The following FOXP1 variants were observed in gnomAD, a reference collection of about 807,000 sequenced individuals.
FOXP1 encodes forkhead box protein P1.
FOXP1 carries 15 observed loss-of-function variants against 98.2 expected under a neutral mutation model. The ratio of observed to expected loss-of-function variants is 0.15; its 90% CI spans 0.10 to 0.24. FOXP1 has a LOEUF of 0.24. FOXP1 is among the 10% of genes least tolerant of loss of function. The probability of loss-of-function intolerance (pLI) is 1.00; values close to 1 mark genes in which losing one functional copy is unlikely to be tolerated. For missense variants in FOXP1, 633 were observed against 848.5 expected (o/e 0.75, Z 3.15); for synonymous variants, 371 against 314.5 (o/e 1.18, Z -1.90).
chr3:71,373,711 C>A (rs781586604), intron 3 of FOXP1, among the ~76,000 whole-genome samples: 1 of 152,150 alleles, frequency 6.6e-6, no homozygotes, highest in Non-Finnish European at 1.5e-5. Context: ...TTAATGAACT[C>A]GATCATCTCA....
At chr3:71,301,896 C>G (rs1576859772) in intron 4 of FOXP1, among the ~76,000 whole-genome samples, 1 of 152,092 alleles carries the variant, frequency 6.6e-6, no homozygotes, top group South Asian at 2.1e-4. Flanking sequence ...TCAGATTTAA[C>G]CAGTATCATT....
intron 3 of FOXP1, among the ~76,000 whole-genome samples, chr3:71,443,749 A>AT (rs35789189): frequency 2.6e-5 from 4 of 151,938 alleles, no homozygotes; most frequent in African/African-American, 7.3e-5. Flanking sequence ...TCCTTTTGTC[A>AT]TTTTTTTCTC....
chr3:71,381,306 G>A (rs1052547034), intron 3 of FOXP1, among the ~76,000 whole-genome samples: 1 of 151,730 alleles, frequency 6.6e-6, no homozygotes, highest in Non-Finnish European at 1.5e-5. Context: ...GCCTGCCACC[G>A]CGCCCGGCTA....
At chr3:70,986,707 C>G (rs1226326163) in intron 14 of FOXP1, among the ~76,000 whole-genome samples, 1 of 151,870 alleles carries the variant, frequency 6.6e-6, no homozygotes, top group South Asian at 2.1e-4. Flanking sequence ...TTTTTCCTTT[C>G]TTTTTGGTAG....
chr3:71,281,384 A>G (rs1325305562), intron 5 of FOXP1, among the ~76,000 whole-genome samples: 1 of 152,158 alleles, frequency 6.6e-6, no homozygotes, highest in Non-Finnish European at 1.5e-5. Context: ...TGCCAACTGT[A>G]CCCACAAACA....
At chr3:71,507,328 A>G (rs759922147) in intron 2 of FOXP1, among the ~76,000 whole-genome samples, 2 of 152,154 alleles carry the variant, frequency 1.3e-5, no homozygotes, top group Non-Finnish European at 2.9e-5. Context: ...ACAGGAATGC[A>G]TGCTTTTAAC....
intron 6 of FOXP1, among the ~76,000 whole-genome samples, chr3:71,193,434 C>G (rs2063117743): frequency 8.2e-6 from 1 of 122,394 alleles, no homozygotes; most frequent in African/African-American, 3.9e-5. Context: ...AGGCGTGAGC[C>G]ACTGCGCCCA....
intron 5 of FOXP1, among the ~76,000 whole-genome samples, chr3:71,229,194 T>G (rs2066086963): frequency 6.6e-6 from 1 of 152,178 alleles, no homozygotes; most frequent in Non-Finnish European, 1.5e-5. Flanking sequence ...TCCTGACTTC[T>G]TGCAGACAGG....
At chr3:71,457,548 A>G (rs1202528906) in intron 3 of FOXP1, among the ~76,000 whole-genome samples, 1 of 152,190 alleles carries the variant, frequency 6.6e-6, no homozygotes, top group Non-Finnish European at 1.5e-5. Context: ...TAGAAGACCA[A>G]AAGGACTCAG....
At chr3:71,142,773 T>A (rs1382977920) in intron 6 of FOXP1, among the ~76,000 whole-genome samples, 1 of 152,234 alleles carries the variant, frequency 6.6e-6, no homozygotes, top group Admixed American at 6.5e-5. Context: ...ACAGTGCACC[T>A]GGGCTTCTGA....
chr3:71,377,351 T>C (rs1351986547), intron 3 of FOXP1, among the ~76,000 whole-genome samples: 1 of 152,254 alleles, frequency 6.6e-6, no homozygotes, highest in Non-Finnish European at 1.5e-5. Context: ...AAATATTTTT[T>C]ATTTAATCAG....
intron 5 of FOXP1, among the ~76,000 whole-genome samples, chr3:71,249,935 C>T (rs948009888): frequency 3.9e-5 from 6 of 152,136 alleles, no homozygotes; most frequent in South Asian, 2.1e-4. Context: ...CTTTTCTGAA[C>T]GTAATCACAG....
chr3:71,328,044 T>C (rs935261693), intron 4 of FOXP1, among the ~76,000 whole-genome samples: 15 of 152,192 alleles, frequency 9.9e-5, no homozygotes, highest in African/African-American at 3.6e-4. Flanking sequence ...TAGAGAGATC[T>C]GAAATTGTTT....
At chr3:71,579,632 C>CTTTTTTTTTTTTTTTTTTT (rs35646548) in intron 2 of FOXP1, among the ~76,000 whole-genome samples, 7 of 122,998 alleles carry the variant, frequency 5.7e-5, no homozygotes, top group African/African-American at 1.2e-4. Context: ...TTTCTTTTTT[C>CTTTTTTTTTTTTTTTTTTT]TTTTTTTTTT....
Position 71,041,552 on chromosome 3 carries a change from T to C in FOXP1, c.665-20A>G. On this transcript the variant is annotated intron_variant, in intron 10 of 20. Transcript: ENST00000649528. The stretch of plus-strand genomic sequence containing the variant: ...TCATGCCTGAAACAAACAAATTGGA[T>C]AATTAAATCAATTAACAGCTAATTC... 5.0e-6 allele frequency: 8 copies of C among 1,609,708 alleles called. No individual in the cohort carries two copies. Among genetic ancestry groups the C allele is most frequent in the Non-Finnish European group, 6.8e-6 (8 of 1,176,212 alleles).
intron 6 of FOXP1, among the ~76,000 whole-genome samples, chr3:71,165,316 C>T (rs945922142): frequency 3.3e-5 from 5 of 150,816 alleles, no homozygotes; most frequent in African/African-American, 7.3e-5. Flanking sequence ...CAGCAGCTCA[C>T]GAATGTTTTT....
At chr3:71,223,551 C>T (rs536002866) in intron 5 of FOXP1, among the ~76,000 whole-genome samples, 34 of 151,862 alleles carry the variant, frequency 2.2e-4, no homozygotes, top group African/African-American at 7.2e-4. Flanking sequence ...AAAAATTAGC[C>T]GAGTGTAATG....
chr3:71,198,114 C>T, intron 6 of FOXP1, 88 bp downstream of exon 6: 1 of 1,613,076 alleles, frequency 6.2e-7, no homozygotes, highest in East Asian at 2.2e-5. Flanking sequence ...ACACAAAACA[C>T]TGATCGCGAG....
chr3:71,013,407 A>C (rs2043952861), intron 12 of FOXP1, among the ~76,000 whole-genome samples: 1 of 152,216 alleles, frequency 6.6e-6, no homozygotes, highest in Non-Finnish European at 1.5e-5. Flanking sequence ...CAATTGCTTC[A>C]AAGAGAATAA....
Sources: gnomAD v4.1 joint callset for allele counts (sites outside exome capture counted in the v4.1 genomes callset) on GRCh38, gnomAD v4.1.1 for gene constraint, MANE v1.5 for transcripts, NCBI Gene and HGNC (gene_info 2026-07-23, HGNC 2026-07-21) for gene names.